The following BORA variants were observed in gnomAD, a reference collection of about 807,000 sequenced individuals.
BORA encodes BORA aurora kinase A activator, also known as protein aurora borealis.
Under a neutral mutation model 55.8 loss-of-function variants are expected in BORA, and 26 were observed. The ratio of observed to expected loss-of-function variants is 0.47; its 90% CI spans 0.34 to 0.65. The LOEUF (loss-of-function observed/expected upper bound fraction) is 0.65, where lower values mean the gene tolerates loss of function less well. Among genes scored for constraint, BORA ranks in the 30% least tolerant of loss-of-function variants. The pLI is 0.01. For synonymous variants in BORA, 201 were observed against 216.9 expected (o/e 0.93, Z 0.64); for missense variants, 568 against 671.5 (o/e 0.85, Z 1.70).
intron 10 of BORA, among the ~76,000 whole-genome samples, chr13:72,750,641 T>C (rs890412216): frequency 1.3e-5 from 2 of 152,104 alleles, no homozygotes; most frequent in African/African-American, 4.8e-5. Flanking sequence ...AGAGAAGATT[T>C]TTAAAAACTA....
At position 72,746,627 on chromosome 13, in the gene BORA, T is replaced by C; in HGVS notation, c.998T>C (p.Met333Thr). 6.2e-7 allele frequency: 1 copy of C among 1,614,052 alleles called. No homozygotes were observed. The highest frequency in any genetic ancestry group is 8.5e-7 in the Non-Finnish European group (1 of 1,179,892). The change falls in exon 10 of 12, where the codon ATG becomes ACG. Residue 333 changes from methionine (M) to threonine (T), a missense_variant. By Grantham distance (81) the Met-to-Thr change is moderately conservative. Coordinates refer to ENST00000390667, the MANE Select transcript of BORA (RefSeq NM_024808.5). ...TCGCCAATTAAAAATTGGTCTCCTA[T>C]GAGACTTCAGATGTATAGTGGTGGT... ...GCSPIKNWSPMRLQMYSGGTQ... is the reference protein window; with the variant it reads ...GCSPIKNWSPTRLQMYSGGTQ...
rs191334442 is a variant in BORA at position 72,745,323 on chromosome 13, T to C, written c.738+116T>C. The C allele has an allele frequency of 4.7e-5, 39 of 837,996 alleles. No individual in the cohort carries two copies. In the Admixed American group the frequency reaches 7.9e-4, roughly 17 times the overall value. 51.9% of individuals were successfully genotyped at this position (837,996 alleles called of 1,614,324 possible). The stretch of plus-strand genomic sequence containing the variant: ...TGAAGCCATGGTTGCTTTCTGTCTC[T>C]AGTAAATAAGTGGAAAAGAGGGATG... On this transcript the variant is annotated intron_variant, in intron 8 of 11. Coordinates refer to ENST00000390667, the MANE Select transcript of BORA (RefSeq NM_024808.5).
At chr13:72,745,905 G>A (rs766775667) in intron 8 of BORA, 39 bp from the exon 9 acceptor site, 2 of 1,557,588 alleles carry the variant, frequency 1.3e-6, no homozygotes, top group East Asian at 2.3e-5. Flanking sequence ...TTAAGGAAGA[G>A]AACCATATAC....
At chr13:72,730,609 A>G (rs1290627645) in intron 2 of BORA, among the ~76,000 whole-genome samples, 2 of 152,220 alleles carry the variant, frequency 1.3e-5, no homozygotes, top group African/African-American at 4.8e-5. Context: ...GTGAAAGTAA[A>G]GACGTTTGTT....
intron 10 of BORA, among the ~76,000 whole-genome samples, chr13:72,751,540 G>C (rs568105269): frequency 6.6e-6 from 1 of 152,250 alleles, no homozygotes; most frequent in African/African-American, 2.4e-5. Flanking sequence ...AAGCTAAAAA[G>C]GTTGATTTCA....
chr13:72,743,453 C>G, intron 5 of BORA, 84 bp from the exon 6 acceptor site: 1 of 923,000 alleles, frequency 1.1e-6, no homozygotes, highest in Non-Finnish European at 1.6e-6. Flanking sequence ...TTTCCACTTT[C>G]TTAATTTTTT....
At chr13:72,754,296 A>T (rs1418647233) in intron 11 of BORA, 1 of 155,120 alleles carries the variant, frequency 6.4e-6, no homozygotes, top group African/African-American at 2.5e-5. Flanking sequence ...CCAGCCTTGT[A>T]TGCCGTTTCT....
intron 10 of BORA, chr13:72,752,419 CAT>C (rs903193703): frequency 1.3e-5 from 2 of 152,212 alleles, no homozygotes; most frequent in Non-Finnish European, 2.9e-5. Context: ...ACTTGGCTCT[CAT>C]CAATCCTGCT....
In BORA at chr13:72,756,168, C is replaced by A; in HGVS notation, c.*952C>A. On this transcript the variant is annotated 3_prime_UTR_variant, in exon 12 of 12. Coordinates refer to ENST00000390667, the MANE Select transcript of BORA (RefSeq NM_024808.5). ...ATCAACTTTTAAAAACTGTCTCATT[C>A]AAAAGGGAATAAAGACCTGTGTTAT... is the stretch of plus-strand genomic sequence containing the variant. 2.7e-6 allele frequency: 1 copy of A among 368,388 alleles called. No homozygotes were observed. Among genetic ancestry groups the A allele is most frequent in the East Asian group, 3.9e-5 (1 of 25,604 alleles). The allele number at this position is 368,388 out of a possible 1,614,324, so 22.8% of individuals were successfully genotyped here.
Position 72,756,182 on chromosome 13 carries a change from G to GT in BORA, c.*966_*967insT. The GT allele has an allele frequency of 2.8e-5, 1 of 35,916 alleles. No homozygotes were observed. 2.2% of individuals were successfully genotyped at this position (35,916 alleles called of 1,614,324 possible). A position where few individuals can be genotyped will look rare whatever the true frequency, so the allele number is the denominator to read the frequency against. On this transcript the variant is annotated 3_prime_UTR_variant, in exon 12 of 12. Transcript: ENST00000390667. ...ACTGTCTCATTCAAAAGGGAATAAA[G>GT]ACCTGTGTTATCAATGTGTCATTTT...
intron 4 of BORA, among the ~76,000 whole-genome samples, chr13:72,737,745 A>T (rs2032956675): frequency 6.6e-6 from 1 of 152,188 alleles, no homozygotes; most frequent in African/African-American, 2.4e-5. Context: ...TTAGTTTGCA[A>T]GTTTCAAATT....
chr13:72,755,259 G>A lies in BORA; in HGVS notation c.*43G>A, dbSNP rs192020181. ...CAAAGACTAAGCTTAAGAGTTCCTC[G>A]CATATATCGTTGTGCACAGGATCAA... is the stretch of plus-strand genomic sequence containing the variant. On this transcript the variant is annotated 3_prime_UTR_variant, in exon 12 of 12. Transcript: ENST00000390667. 2.2e-5 allele frequency: 33 copies of A among 1,512,616 alleles called. No individual in the cohort carries two copies. The highest frequency in any genetic ancestry group is 1.4e-4 in the East Asian group (6 of 44,344). The allele number at this position is 1,512,616 out of a possible 1,614,324, so 93.7% of individuals were successfully genotyped here.
Position 72,746,488 on chromosome 13 carries a change from TCCCAC to T in BORA, c.872-11_872-7del, listed in dbSNP as rs1328535763. 1.9e-6 allele frequency: 3 copies of T among 1,589,928 alleles called. No individual in the cohort carries two copies. The highest frequency in any genetic ancestry group is 1.8e-5 in the Admixed American group (1 of 56,778). ...TTTTATGATGTGATTTTTTTTCCCT[TCCCAC>T]CTTTCAGAACAAAGGAAGTTTACTG... On this transcript the variant is annotated splice_region_variant and splice_polypyrimidine_tract_variant and intron_variant, in intron 9 of 11. Transcript: ENST00000390667.
Position 72,734,941 on chromosome 13 carries a change from C to T in BORA, c.261-19C>T, listed in dbSNP as rs1271935205. On this transcript the variant is annotated intron_variant, in intron 3 of 11. Coordinates refer to ENST00000390667, the MANE Select transcript of BORA (RefSeq NM_024808.5). ...CTTAAGTAATAGCATGGTTATTTTT[C>T]TTCTTTATCTTTGTATAGAATAGAT... 6.6e-7 allele frequency: 1 copy of T among 1,517,464 alleles called. No homozygotes were observed. Among genetic ancestry groups the T allele is most frequent in the Non-Finnish European group, 9.0e-7 (1 of 1,106,750 alleles). The allele number at this position is 1,517,464 out of a possible 1,614,324, so 94.0% of individuals were successfully genotyped here.
chr13:72,752,777 TAA>T (rs34717389), intron 10 of BORA: 83,759 of 151,770 alleles, frequency 0.55, 23,475 homozygotes, highest in East Asian at 0.71. Context: ...TATTAAGTGA[TAA>T]AGAGTGCCGT....
At chr13:72,740,792 A>G (rs148429192) in intron 5 of BORA, among the ~76,000 whole-genome samples, 10 of 152,314 alleles carry the variant, frequency 6.6e-5, no homozygotes, top group African/African-American at 1.9e-4. Context: ...ACCATGAACA[A>G]TAGTTTGCTG....
intron 4 of BORA, among the ~76,000 whole-genome samples, chr13:72,735,598 G>T (rs992383813): frequency 2.0e-5 from 3 of 151,796 alleles, no homozygotes; most frequent in Non-Finnish European, 4.4e-5. Context: ...TCTAAATAAG[G>T]TTATTATTAT....
rs531475455 is a variant in BORA, at chr13:72,746,899, G to A, written c.1270G>A (p.Val424Ile). 1.9e-6 allele frequency: 3 copies of A among 1,614,150 alleles called. No homozygotes were observed. The highest frequency in any genetic ancestry group is 3.3e-5 in the Admixed American group (2 of 60,014). ...SEKELALLQDVEREKDNNTVD... is the reference protein window; with the variant it reads ...SEKELALLQDIEREKDNNTVD... ...GAAAGAATTAGCACTGTTGCAGGAT[G>A]TTGAAAGGGAGAAAGACAATAACAC... The change falls in exon 10 of 12, where the codon GTT becomes ATT. Residue 424 changes from valine to isoleucine, a missense_variant. Val to Ile is a conservative substitution (Grantham distance 29). Transcript: ENST00000390667.
intron 3 of BORA, among the ~76,000 whole-genome samples, chr13:72,732,863 A>G (rs916454038): frequency 2.0e-5 from 3 of 152,146 alleles, no homozygotes; most frequent in African/African-American, 7.2e-5. Context: ...TGATCAGTCA[A>G]GAGATACTTA....
Sources: gnomAD v4.1 joint callset for allele counts (sites outside exome capture counted in the v4.1 genomes callset) on GRCh38, gnomAD v4.1.1 for gene constraint, MANE v1.5 for transcripts, NCBI Gene and HGNC (gene_info 2026-07-23, HGNC 2026-07-21) for gene names.